Variants in SH3D19 observed in about 807,000 individuals in gnomAD.
SH3D19 encodes SH3 domain-containing protein 19.
SH3D19 carries 58 observed loss-of-function variants against 112.1 expected under a neutral mutation model. The ratio of observed to expected loss-of-function variants is 0.52; its 90% CI spans 0.42 to 0.64. The LOEUF is 0.64. SH3D19 is among the 30% of genes least tolerant of loss of function. The pLI is 0.00. For synonymous variants in SH3D19, 391 were observed against 448.5 expected, an observed-to-expected ratio of 0.87 and a Z score of 1.62; for missense variants, 1,090 against 1,263.4, an observed-to-expected ratio of 0.86 and a Z score of 2.08.
At chr4:151,165,986 G>A (rs1453878373) in intron 7 of SH3D19, 15 of 247,134 alleles carry the variant, frequency 6.1e-5, no homozygotes, top group Non-Finnish European at 7.8e-5. Flanking sequence ...CATTTCATAC[G>A]TGTCTGCCTG....
chr4:151,236,620 G>A (rs1354047254), intron 1 of SH3D19, among the ~76,000 whole-genome samples: 1 of 152,116 alleles, frequency 6.6e-6, no homozygotes, highest in African/African-American at 2.4e-5. Context: ...TAGCTAATCT[G>A]GTGGGGACTT....
chr4:151,143,862 T>G (rs756738569), intron 12 of SH3D19, 48 bp downstream of exon 12: 6 of 1,533,934 alleles, frequency 3.9e-6, no homozygotes, highest in Non-Finnish European at 5.3e-6. Flanking sequence ...TTCCATGAAA[T>G]GTGCTGCTAT....
chr4:151,149,637 C>T, intron 9 of SH3D19, 76 bp from the exon 10 acceptor site: 1 of 1,328,090 alleles, frequency 7.5e-7, no homozygotes, highest in Non-Finnish European at 1.1e-6. Context: ...TCTAGGCAAC[C>T]TTTTGGCTGG....
At position 151,175,628 on chromosome 4, in the gene SH3D19, C is replaced by T. The variant is rs1034677517; in HGVS notation, c.576G>A (p.Ser192=). ...LKPLQPFSAV[S]SGNLPTNVAP... ...CCACATTTGTTGGAAGATTGCCAGA[C>T]GAGACTGCTGAGAAAGGCTGAAGAG... is the stretch of plus-strand genomic sequence containing the variant. Residue 192 remains serine, a synonymous_variant, in exon 7 of 20, where the codon TCG becomes TCA. Coordinates refer to ENST00000604030, the MANE Select transcript of SH3D19 (RefSeq NM_001378122.1). 35 of 1,310,396 alleles carry T rather than the reference C, an allele frequency of 2.7e-5. No homozygotes were observed. The African/African-American group carries it at 2.7e-4, about 10-fold the overall frequency. 81.2% of individuals were successfully genotyped at this position (1,310,396 alleles called of 1,614,324 possible). A position where few individuals can be genotyped will look rare whatever the true frequency, so the allele number is the denominator to read the frequency against.
At chr4:151,127,384 G>C (rs1749647776) in intron 19 of SH3D19, among the ~76,000 whole-genome samples, 1 of 152,164 alleles carries the variant, frequency 6.6e-6, no homozygotes, top group Non-Finnish European at 1.5e-5. Flanking sequence ...GGGGATGTAT[G>C]GGGGTGTAAA....
chr4:151,229,892 G>A (rs1769467765), intron 1 of SH3D19, among the ~76,000 whole-genome samples: 4 of 152,158 alleles, frequency 2.6e-5, no homozygotes, highest in Admixed American at 2.6e-4. Context: ...TCCAGCCTGG[G>A]TGACGGAGTG....
intron 1 of SH3D19, among the ~76,000 whole-genome samples, chr4:151,271,001 G>A (rs911954827): frequency 1.3e-5 from 2 of 152,070 alleles, no homozygotes; most frequent in Admixed American, 1.3e-4. Flanking sequence ...ATAGCCCACT[G>A]CAGTCTCAAC....
chr4:151,176,848 G>C lies in SH3D19; in HGVS notation c.344C>G (p.Ser115Cys). The C allele has an allele frequency of 8.1e-7, 1 of 1,232,192 alleles. No individual in the cohort carries two copies. The highest frequency in any genetic ancestry group is 3.1e-4 in the Middle Eastern group (1 of 3,208). 76.3% of individuals were successfully genotyped at this position (1,232,192 alleles called of 1,614,324 possible). A position where few individuals can be genotyped will look rare whatever the true frequency, so the allele number is the denominator to read the frequency against. The change falls in exon 5 of 20, where the codon TCT (serine) becomes TGT (cysteine). Residue 115 changes from serine to cysteine, a missense_variant. Transcript: ENST00000604030. ...AGGAACCAGCTCATTAGGCCTCCAA[G>C]AGCCTGCTGCAGATGATGTAGGAAA... ...LGFPTSSAAG[S>C]WRPNELVPAE...
At chr4:151,300,899 A>G (rs1306322768) in intron 1 of SH3D19, among the ~76,000 whole-genome samples, 1 of 152,230 alleles carries the variant, frequency 6.6e-6, no homozygotes, top group African/African-American at 2.4e-5. Flanking sequence ...TAGATTTAAT[A>G]GAATCTGGTA....
At chr4:151,133,723 C>T (rs983552351) in intron 15 of SH3D19, among the ~76,000 whole-genome samples, 14 of 152,116 alleles carry the variant, frequency 9.2e-5, no homozygotes, top group African/African-American at 3.4e-4. Flanking sequence ...AGTGAGCTGG[C>T]CTTAAAAACT....
chr4:151,156,064 C>G (rs1177037822), intron 9 of SH3D19, among the ~76,000 whole-genome samples: 1 of 151,986 alleles, frequency 6.6e-6, no homozygotes, highest in Admixed American at 6.6e-5. Flanking sequence ...GAAGGCAATC[C>G]TATTTACGAT....
rs562348563 is a variant in SH3D19 at position 151,255,917 on chromosome 4, G to T, written c.113-29831C>A. On this transcript the variant is annotated intron_variant, in intron 1 of 19. Transcript: ENST00000604030. ...TGCAATCGCAGGCATTCGGCAGGCT[G>T]TCAGGAGAATCAGGCAGGGAGGTTG... is the stretch of plus-strand genomic sequence containing the variant. 4.6e-5 allele frequency among the ~76,000 whole-genome samples: 7 copies of T among 152,152 alleles called. No individual in the cohort carries two copies. In the East Asian group the frequency reaches 1.4e-3, roughly 29 times the overall value.
intron 1 of SH3D19, among the ~76,000 whole-genome samples, chr4:151,278,749 GC>G (rs1338755911): frequency 1.3e-5 from 2 of 152,112 alleles, no homozygotes; most frequent in African/African-American, 4.8e-5. Context: ...TCCTGCTTCA[GC>G]CTCCCAAGTA....
intron 2 of SH3D19, among the ~76,000 whole-genome samples, 172 bp from the exon 3 acceptor site, chr4:151,187,635 G>A (rs1762005092): frequency 1.3e-5 from 2 of 152,068 alleles, no homozygotes; most frequent in South Asian, 4.1e-4. Context: ...TTTAAAACTT[G>A]ACTTTAATTT....
chr4:151,198,989 G>T (rs984848595), intron 2 of SH3D19, among the ~76,000 whole-genome samples: 5 of 150,610 alleles, frequency 3.3e-5, no homozygotes, highest in Admixed American at 1.3e-4. Context: ...GAGACAAGCA[G>T]GGCTAGCAGC....
In SH3D19 at chr4:151,179,425, G is replaced by A. The variant is rs1760466123; in HGVS notation, c.194-28C>T. The A allele has an allele frequency of 4.1e-6, 5 of 1,215,876 alleles. No homozygotes were observed. The South Asian group carries it at 2.1e-4, about 51-fold the overall frequency. 75.3% of individuals were successfully genotyped at this position (1,215,876 alleles called of 1,614,324 possible). ...GTTGAAGAAGGAATAAACTGGTATA[G>A]TACAAAATTAGTATGTTTGGTAAGG... is the stretch of plus-strand genomic sequence containing the variant. On this transcript the variant is annotated intron_variant, in intron 3 of 19. Transcript: ENST00000604030.
chr4:151,129,031 G>T (rs769093524), intron 17 of SH3D19, among the ~76,000 whole-genome samples: 1 of 152,134 alleles, frequency 6.6e-6, no homozygotes, highest in Non-Finnish European at 1.5e-5. Flanking sequence ...TTGACACTAT[G>T]AAAAAATTCT....
At chr4:151,298,530 T>C (rs1292269264) in intron 1 of SH3D19, among the ~76,000 whole-genome samples, 4 of 152,102 alleles carry the variant, frequency 2.6e-5, no homozygotes, top group Admixed American at 2.0e-4. Flanking sequence ...ATAACAGCAA[T>C]AGGAAACTAA....
chr4:151,319,143 C>T (rs1193656967), intron 1 of SH3D19, among the ~76,000 whole-genome samples: 2 of 152,094 alleles, frequency 1.3e-5, no homozygotes, highest in African/African-American at 4.8e-5. Context: ...ATCCACCTCC[C>T]TAGCAAGCGA....
Sources: gnomAD v4.1 joint callset for allele counts (sites outside exome capture counted in the v4.1 genomes callset) on GRCh38, gnomAD v4.1.1 for gene constraint, MANE v1.5 for transcripts, NCBI Gene and HGNC (gene_info 2026-07-23, HGNC 2026-07-21) for gene names.